ZNF474: variants seen among roughly 807,000 people sequenced by gnomAD.
ZNF474 encodes 4933409D10Rik.
For missense variants in ZNF474, 511 were observed against 433.8 expected (o/e 1.18, Z -1.58); for synonymous variants, 192 against 162.2 (o/e 1.18, Z -1.39).
intron 1 of ZNF474, among the ~76,000 whole-genome samples, chr5:122,144,963 T>C (rs1308470073): frequency 6.6e-6 from 1 of 152,182 alleles, no homozygotes; most frequent in Admixed American, 6.5e-5. Context: ...GATCTAACAG[T>C]AGTTTTCATA....
Position 122,152,943 on chromosome 5 carries a change from T to C in ZNF474, c.953T>C (p.Leu318Ser). 1 of 1,612,798 alleles carries C rather than the reference T, an allele frequency of 6.2e-7. No homozygotes were observed. The change falls in exon 2 of 2, where the codon TTG becomes TCG. Residue 318 changes from leucine to serine, a missense_variant. Leu to Ser is a moderately radical substitution (Grantham distance 145). Coordinates refer to ENST00000296600, the MANE Select transcript of ZNF474 (RefSeq NM_207317.3). ...CCTTATGGGCCAAAATATCAGAATT[T>C]GAATTTAGGGAGTAAAGGAGGCCTA... is the stretch of plus-strand genomic sequence containing the variant. ...THPYGPKYQN[L>S]NLGSKGGLKE...
intron 1 of ZNF474, among the ~76,000 whole-genome samples, chr5:122,139,636 C>A (rs1290795405): frequency 6.6e-6 from 1 of 151,924 alleles, no homozygotes; most frequent in Non-Finnish European, 1.5e-5. Context: ...ATTTGAAAAA[C>A]TAGAAAACAA....
intron 1 of ZNF474, among the ~76,000 whole-genome samples, chr5:122,141,118 T>G (rs1221076857): frequency 5.5e-5 from 2 of 36,420 alleles, no homozygotes; most frequent in East Asian, 2.1e-3. Context: ...TTATTTTATT[T>G]TATTTTATTT....
chr5:122,143,078 C>T (rs563539056), intron 1 of ZNF474, among the ~76,000 whole-genome samples: 5 of 152,118 alleles, frequency 3.3e-5, no homozygotes, highest in African/African-American at 1.2e-4. Flanking sequence ...TAAGTGTTAG[C>T]CAGGCTCCAG....
At chr5:122,147,842 G>A (rs962685354) in intron 1 of ZNF474, 8 of 152,178 alleles carry the variant, frequency 5.3e-5, no homozygotes, top group African/African-American at 1.7e-4. Context: ...TCTTCTTTGT[G>A]TGTTTGTCTC....
chr5:122,134,134 A>G (rs2152603242), intron 1 of ZNF474, among the ~76,000 whole-genome samples: 1 of 152,338 alleles, frequency 6.6e-6, no homozygotes, highest in African/African-American at 2.4e-5. Context: ...GGAGTCTTAC[A>G]AACACGAAGA....
At chr5:122,138,181 A>G (rs917547089) in intron 1 of ZNF474, among the ~76,000 whole-genome samples, 2 of 152,252 alleles carry the variant, frequency 1.3e-5, no homozygotes, top group Non-Finnish European at 2.9e-5. Context: ...GAAGGAAAAT[A>G]TAAGAAGATG....
chr5:122,131,007 C>T (rs1410685353), intron 1 of ZNF474, among the ~76,000 whole-genome samples: 1 of 152,092 alleles, frequency 6.6e-6, no homozygotes, highest in Non-Finnish European at 1.5e-5. Flanking sequence ...TCGTCTCATC[C>T]TCCACTCATG....
chr5:122,135,205 T>C (rs151047031), intron 1 of ZNF474, among the ~76,000 whole-genome samples: 2,436 of 152,320 alleles, frequency 0.016, 39 homozygotes, highest in Non-Finnish European at 0.022. Context: ...CTTGGTGCCA[T>C]GCACCTATAA....
intron 1 of ZNF474, among the ~76,000 whole-genome samples, chr5:122,150,035 T>C (rs1031486436): frequency 6.6e-6 from 1 of 152,040 alleles, no homozygotes; most frequent in African/African-American, 2.4e-5. Context: ...TAATCTGTCT[T>C]CTTAAGTCAT....
chr5:122,136,263 T>C (rs1346765407), intron 1 of ZNF474, among the ~76,000 whole-genome samples: 1 of 152,188 alleles, frequency 6.6e-6, no homozygotes, highest in African/African-American at 2.4e-5. Context: ...GCCATAAATA[T>C]GTACAACTAT....
chr5:122,147,071 A>G (rs1756010677), intron 1 of ZNF474, among the ~76,000 whole-genome samples: 1 of 152,190 alleles, frequency 6.6e-6, no homozygotes, highest in Non-Finnish European at 1.5e-5. Context: ...AAGGGACATT[A>G]TCTCATCAAT....
At chr5:122,144,160 G>A (rs1755924975) in intron 1 of ZNF474, among the ~76,000 whole-genome samples, 1 of 151,820 alleles carries the variant, frequency 6.6e-6, no homozygotes, top group Admixed American at 6.6e-5. Context: ...AAGCATTTCA[G>A]CCCTAATCTA....
At chr5:122,144,757 T>G (rs1177345736) in intron 1 of ZNF474, among the ~76,000 whole-genome samples, 1 of 152,216 alleles carries the variant, frequency 6.6e-6, no homozygotes, top group African/African-American at 2.4e-5. Context: ...TCTTCCACTT[T>G]TTTCTTTTTT....
chr5:122,143,983 T>C (rs982943037), intron 1 of ZNF474, among the ~76,000 whole-genome samples: 2 of 152,158 alleles, frequency 1.3e-5, no homozygotes, highest in Non-Finnish European at 2.9e-5. Flanking sequence ...TCTTTTTATT[T>C]CTTCTATAAT....
chr5:122,138,866 T>C (rs1341228574), intron 1 of ZNF474, among the ~76,000 whole-genome samples: 1 of 152,174 alleles, frequency 6.6e-6, no homozygotes, highest in Non-Finnish European at 1.5e-5. Context: ...TAAGTATAAC[T>C]GATAAAATTC....
rs1447636419 is a variant in ZNF474, at chr5:122,129,701, CAAGGTG to C, written c.-213+20_-213+25del. 1 of 152,252 alleles carries C rather than the reference CAAGGTG, an allele frequency of 6.6e-6. No homozygotes were observed. The highest frequency in any genetic ancestry group is 1.9e-4 in the East Asian group (1 of 5,182). The allele number at this position is 152,252 out of a possible 1,614,324, so 9.4% of individuals were successfully genotyped here. On this transcript the variant is annotated intron_variant, in intron 1 of 1. Coordinates refer to ENST00000296600, the MANE Select transcript of ZNF474 (RefSeq NM_207317.3). ...ATAAAAAGGTAAAGAACAAATGTCA[CAAGGTG>C]AGGCTCTCGCAGGGTGTGTGCATTC...
At chr5:122,142,390 A>G (rs944670172) in intron 1 of ZNF474, among the ~76,000 whole-genome samples, 2 of 152,218 alleles carry the variant, frequency 1.3e-5, no homozygotes, top group African/African-American at 4.8e-5. Flanking sequence ...TGTGTTTACT[A>G]AAGGCAGACA....
chr5:122,134,053 T>G (rs1461724392), intron 1 of ZNF474, among the ~76,000 whole-genome samples: 1 of 152,150 alleles, frequency 6.6e-6, no homozygotes, highest in Admixed American at 6.6e-5. Flanking sequence ...ATTCCAGAAG[T>G]AAGTTGTAAA....
Sources: allele counts gnomAD v4.1 joint callset (sites outside exome capture counted in the v4.1 genomes callset), GRCh38; gene constraint gnomAD v4.1.1; transcripts MANE v1.5; gene names NCBI Gene and HGNC (gene_info 2026-07-23, HGNC 2026-07-21).